TXNRD3: variants seen among roughly 807,000 people sequenced by gnomAD.
The protein encoded by TXNRD3 is thioredoxin reductase 3.
In TXNRD3, 68 loss-of-function variants were observed where a neutral mutation model predicts 78.2. That is an observed-to-expected ratio of 0.87 (90% CI 0.72 to 1.06). TXNRD3 has a LOEUF of 1.06. Among genes scored for constraint, TXNRD3 ranks in the 50% least tolerant of loss-of-function variants. The pLI is 0.00. For synonymous variants in TXNRD3, 296 were observed against 300.1 expected, an observed-to-expected ratio of 0.99 and a Z score of 0.14; for missense variants, 751 against 809.5, an observed-to-expected ratio of 0.93 and a Z score of 0.88.
At chr3:126,616,711 T>C (rs1366191799) in intron 12 of TXNRD3, among the ~76,000 whole-genome samples, 2 of 152,160 alleles carry the variant, frequency 1.3e-5, no homozygotes, top group African/African-American at 4.8e-5. Flanking sequence ...ATTCTTACAG[T>C]AACCTCCCTC....
intron 1 of TXNRD3, among the ~76,000 whole-genome samples, chr3:126,651,605 C>G (rs927899630): frequency 2.6e-5 from 4 of 152,162 alleles, no homozygotes; most frequent in Non-Finnish European, 4.4e-5. Context: ...GTTCTGATCT[C>G]TTGGTGTTTA....
At chr3:126,615,563 G>C in intron 12 of TXNRD3, 101 bp from the exon 13 acceptor site, 1 of 522,686 alleles carries the variant, frequency 1.9e-6, no homozygotes, top group Non-Finnish European at 3.1e-6. Flanking sequence ...GTCCAGTTCA[G>C]TGTAACCAAT....
Position 126,654,735 on chromosome 3 carries a change from G to C in TXNRD3, c.243+13C>G. On this transcript the variant is annotated intron_variant, in intron 1 of 15. Transcript: ENST00000524230. ...CGGTCGCGCGCGGTGGAACCGGCGA[G>C]GGCCGCGCCTACCCGAGTACTATGG... The C allele has an allele frequency of 7.6e-7, 1 of 1,317,732 alleles. No individual in the cohort carries two copies. The allele number at this position is 1,317,732 out of a possible 1,614,324, so 81.6% of individuals were successfully genotyped here.
chr3:126,627,043 T>C (rs1938595228), intron 10 of TXNRD3, among the ~76,000 whole-genome samples: 2 of 152,088 alleles, frequency 1.3e-5, no homozygotes, highest in Admixed American at 6.6e-5. Flanking sequence ...AGCCTTGATC[T>C]CACCACTGCA....
intron 6 of TXNRD3, among the ~76,000 whole-genome samples, chr3:126,640,825 A>G (rs1321308984): frequency 2.0e-5 from 3 of 151,938 alleles, no homozygotes; most frequent in Admixed American, 2.0e-4. Flanking sequence ...AGTGCCATAA[A>G]AGGTGTGAAA....
In TXNRD3 at chr3:126,631,781, T is replaced by A; in HGVS notation, c.954A>T (p.Lys318Asn). The change falls in exon 8 of 16, where the codon AAA (lysine) becomes AAT (asparagine). Residue 318 changes from lysine to asparagine, a missense_variant. Coordinates refer to ENST00000524230, the MANE Select transcript of TXNRD3 (RefSeq NM_052883.3). Reference sequence around the variant, plus strand: ...AACCTTACCTAGTAATACAGTATTCTTTATCTCCTTGGATTCCTAAATACC... The same window carrying A: ...AACCTTACCTAGTAATACAGTATTCATTATCTCCTTGGATTCCTAAATACC... 1 of 1,533,884 alleles carries A rather than the reference T, an allele frequency of 6.5e-7. No individual in the cohort carries two copies. The highest frequency in any genetic ancestry group is 8.7e-7 in the Non-Finnish European group (1 of 1,144,872).
intron 2 of TXNRD3, among the ~76,000 whole-genome samples, chr3:126,646,510 G>A (rs1576296974): frequency 6.6e-6 from 1 of 152,258 alleles, no homozygotes; most frequent in South Asian, 2.1e-4. Flanking sequence ...TCTTTAAAGA[G>A]CAAGAATCAA....
chr3:126,642,283 C>A, intron 5 of TXNRD3, 132 bp from the exon 6 acceptor site: 1 of 1,223,318 alleles, frequency 8.2e-7, no homozygotes, highest in Non-Finnish European at 1.1e-6. Flanking sequence ...CAAAATAAGA[C>A]ACAAGGGATT....
chr3:126,645,487 C>CT (rs1310424260), intron 3 of TXNRD3, among the ~76,000 whole-genome samples: 1 of 152,152 alleles, frequency 6.6e-6, no homozygotes, highest in East Asian at 1.9e-4. Context: ...CATAGACAAT[C>CT]TTTTTTCTCC....
intron 6 of TXNRD3, among the ~76,000 whole-genome samples, chr3:126,637,796 T>C (rs1932941719): frequency 6.6e-6 from 1 of 151,998 alleles, no homozygotes; most frequent in Non-Finnish European, 1.5e-5. Context: ...GTTGCTTCCC[T>C]TTCTATTTTT....
chr3:126,622,834 A>C (rs145441779), intron 10 of TXNRD3, among the ~76,000 whole-genome samples: 189 of 152,276 alleles, frequency 1.2e-3, no homozygotes, highest in African/African-American at 4.5e-3. Context: ...GCCTTTACAG[A>C]GGTAATTAAG....
Position 126,646,161 on chromosome 3 carries a change from T to C in TXNRD3, c.364A>G (p.Asn122Asp). 2 of 1,534,392 alleles carry C rather than the reference T, an allele frequency of 1.3e-6. No homozygotes were observed. Among genetic ancestry groups the C allele is most frequent in the South Asian group, 1.2e-5 (1 of 83,754 alleles). ...ACATGCACTTTATTCACGAAAATAT[T>C]GGGCACAGTTTTCTGATTAGTGATT... Residue 122 changes from asparagine (N) to aspartate (D), a missense_variant, in exon 3 of 16, where the codon AAT becomes GAT. Physicochemically the swap from Asn to Asp is conservative, Grantham distance 23 (BLOSUM62 1). Coordinates refer to ENST00000524230, the MANE Select transcript of TXNRD3 (RefSeq NM_052883.3).
chr3:126,633,892 A>C lies in TXNRD3; in HGVS notation c.855+17T>G. 1 of 1,462,460 alleles carries C rather than the reference A, an allele frequency of 6.8e-7. No homozygotes were observed. Among genetic ancestry groups the C allele is most frequent in the Non-Finnish European group, 9.0e-7 (1 of 1,112,624 alleles). The allele number at this position is 1,462,460 out of a possible 1,614,324, so 90.6% of individuals were successfully genotyped here. Reference sequence around the variant, plus strand: ...GTAAAGAAAGGAGATGAACAAGACAAGAAACTCAAGCACTACCTTTATTTT... The same window carrying C: ...GTAAAGAAAGGAGATGAACAAGACACGAAACTCAAGCACTACCTTTATTTT... On this transcript the variant is annotated intron_variant, in intron 7 of 15. Coordinates refer to ENST00000524230, the MANE Select transcript of TXNRD3 (RefSeq NM_052883.3).
chr3:126,636,008 T>C (rs1938851812), intron 6 of TXNRD3, among the ~76,000 whole-genome samples: 1 of 152,226 alleles, frequency 6.6e-6, no homozygotes, highest in Non-Finnish European at 1.5e-5. Context: ...CTTGGCTCAC[T>C]GCAGCCTTGA....
rs780684000 is a variant in TXNRD3 at position 126,646,111 on chromosome 3, C to T, written c.414G>A (p.Gln138=). 7.2e-6 allele frequency: 11 copies of T among 1,517,522 alleles called. No individual in the cohort carries two copies. In the East Asian group the frequency reaches 2.5e-4, roughly 34 times the overall value. 94.0% of individuals were successfully genotyped at this position (1,517,522 alleles called of 1,614,324 possible). ...GAAGAACATATAATAGTATTATTAC[C>T]TGGAAAGTTTGGTCACATCCACCTA... Residue 138 remains glutamine (Q), a splice_region_variant and synonymous_variant, in exon 3 of 16, where the codon CAG becomes CAA. Transcript: ENST00000524230.
chr3:126,613,815 A>G (rs1381971105), intron 13 of TXNRD3, among the ~76,000 whole-genome samples: 1 of 152,264 alleles, frequency 6.6e-6, no homozygotes, highest in Admixed American at 6.5e-5. Flanking sequence ...TAAATGTGAT[A>G]TGACTATGAT....
At chr3:126,632,910 T>C (rs1324432419) in intron 7 of TXNRD3, among the ~76,000 whole-genome samples, 1 of 152,066 alleles carries the variant, frequency 6.6e-6, no homozygotes. Flanking sequence ...CTAGCATCAC[T>C]AAACAAGGAG....
intron 6 of TXNRD3, among the ~76,000 whole-genome samples, chr3:126,634,862 GC>G (rs978044733): frequency 4.0e-4 from 61 of 152,174 alleles, no homozygotes; most frequent in Admixed American, 3.1e-3. Context: ...GTCAAGAAAT[GC>G]CCCCCTACTC....
rs917453511 is a variant in TXNRD3, at chr3:126,641,922, T to C, written c.712+110A>G. 9 of 1,302,132 alleles carry C rather than the reference T, an allele frequency of 6.9e-6. No homozygotes were observed. The African/African-American group carries it at 1.2e-4, about 17-fold the overall frequency. The allele number at this position is 1,302,132 out of a possible 1,614,324, so 80.7% of individuals were successfully genotyped here. On this transcript the variant is annotated intron_variant, in intron 6 of 15. Transcript: ENST00000524230. ...TGACACAGTAGCTTCCTAATGAATG[T>C]TCATTAAATGAATTACGAACTCAAC... is the stretch of plus-strand genomic sequence containing the variant.
Sources: gnomAD v4.1 joint callset for allele counts (sites outside exome capture counted in the v4.1 genomes callset) on GRCh38, gnomAD v4.1.1 for gene constraint, MANE v1.5 for transcripts, NCBI Gene and HGNC (gene_info 2026-07-23, HGNC 2026-07-21) for gene names.